The following CACNA2D3 variants were observed in gnomAD, a reference collection of about 807,000 sequenced individuals.
The protein encoded by CACNA2D3 is voltage-dependent calcium channel subunit alpha-2/delta-3.
Under a neutral mutation model 160.6 loss-of-function variants are expected in CACNA2D3, and 60 were observed. That is an observed-to-expected ratio of 0.37 (90% CI 0.30 to 0.46). The LOEUF (loss-of-function observed/expected upper bound fraction) is 0.46, where lower values mean the gene tolerates loss of function less well. Ranked by LOEUF, CACNA2D3 falls within the 20% of genes least tolerant of loss-of-function variation. The pLI is 1.00. For synonymous variants in CACNA2D3, 558 were observed against 492.9 expected, an observed-to-expected ratio of 1.13 and a Z score of -1.75; for missense variants, 1,205 against 1,365.0, an observed-to-expected ratio of 0.88 and a Z score of 1.85.
intron 13 of CACNA2D3, among the ~76,000 whole-genome samples, chr3:54,808,995 C>T (rs998408307): frequency 1.4e-4 from 21 of 152,268 alleles, no homozygotes; most frequent in African/African-American, 3.9e-4. Flanking sequence ...ACTCAATATG[C>T]ATTAGCTCGT....
At chr3:54,584,016 A>G (rs1702720276) in intron 9 of CACNA2D3, among the ~76,000 whole-genome samples, 1 of 152,158 alleles carries the variant, frequency 6.6e-6, no homozygotes, top group African/African-American at 2.4e-5. Context: ...GGAACAACCA[A>G]TCCTACATGG....
intron 35 of CACNA2D3, among the ~76,000 whole-genome samples, chr3:55,058,104 G>C (rs879666068): frequency 6.6e-6 from 1 of 152,074 alleles, no homozygotes; most frequent in Non-Finnish European, 1.5e-5. Flanking sequence ...TCTCTACCAC[G>C]GTACTCACAC....
chr3:54,150,068 G>A (rs973140400), intron 2 of CACNA2D3, among the ~76,000 whole-genome samples: 1 of 149,776 alleles, frequency 6.7e-6, no homozygotes, highest in African/African-American at 2.5e-5. Flanking sequence ...GCACACACAA[G>A]GACTAGTAAC....
chr3:54,256,740 GGAGT>G (rs1310308898), intron 2 of CACNA2D3, among the ~76,000 whole-genome samples: 1 of 125,858 alleles, frequency 7.9e-6, no homozygotes, highest in Non-Finnish European at 1.6e-5. Flanking sequence ...ACCACTGTAA[GGAGT>G]GAGACTCCGT....
At chr3:54,657,430 C>T (rs1376527161) in intron 11 of CACNA2D3, among the ~76,000 whole-genome samples, 2 of 152,096 alleles carry the variant, frequency 1.3e-5, no homozygotes, top group African/African-American at 2.4e-5. Flanking sequence ...TGCATAGTAC[C>T]ATATTGTTAA....
At chr3:54,627,527 A>G (rs928699900) in intron 9 of CACNA2D3, among the ~76,000 whole-genome samples, 36 of 152,186 alleles carry the variant, frequency 2.4e-4, no homozygotes, top group African/African-American at 8.4e-4. Context: ...GAAAGTGGCA[A>G]TTTTAGATGA....
intron 4 of CACNA2D3, among the ~76,000 whole-genome samples, chr3:54,486,568 T>C (rs955310206): frequency 3.3e-5 from 5 of 152,234 alleles, no homozygotes; most frequent in Admixed American, 3.3e-4. Context: ...AATCATTTGA[T>C]CAAACTTTAC....
At chr3:54,828,381 C>T (rs551813600) in intron 14 of CACNA2D3, among the ~76,000 whole-genome samples, 8 of 152,278 alleles carry the variant, frequency 5.3e-5, no homozygotes, top group South Asian at 2.1e-4. Context: ...ACCAACAAAG[C>T]GGTTTCCAAG....
chr3:54,567,102 A>G (rs1020725063), intron 6 of CACNA2D3, among the ~76,000 whole-genome samples: 20 of 152,314 alleles, frequency 1.3e-4, no homozygotes, highest in African/African-American at 4.3e-4. Flanking sequence ...CTGTCTTGCT[A>G]TATCCTCATA....
At chr3:54,365,339 C>T (rs1402350380) in intron 3 of CACNA2D3, among the ~76,000 whole-genome samples, 2 of 152,148 alleles carry the variant, frequency 1.3e-5, no homozygotes, top group Non-Finnish European at 2.9e-5. Context: ...CTATAAACCT[C>T]TCAAACTGAA....
rs1463403321 is a variant in CACNA2D3, at chr3:54,926,548, ACACACT to A, written c.2449+26682_2449+26687del. Among the ~76,000 whole-genome samples the A allele has an allele frequency of 4.3e-5, 5 of 114,948 alleles. 1 individual carries two copies. The Admixed American group carries it at 4.7e-4, about 11-fold the overall frequency. 75.4% of individuals were successfully genotyped at this position (114,948 alleles called of 152,430 possible). On this transcript the variant is annotated intron_variant, in intron 27 of 37. Transcript: ENST00000474759. Reference sequence around the variant, plus strand: ...CACACACACACACACACACACACACACACACTCTGTTTTACATAACACTTTTTAAAA... The same window carrying A: ...CACACACACACACACACACACACACACTGTTTTACATAACACTTTTTAAAA...
At chr3:55,065,255 A>T (rs752937476) in intron 35 of CACNA2D3, among the ~76,000 whole-genome samples, 31 of 152,154 alleles carry the variant, frequency 2.0e-4, no homozygotes, top group African/African-American at 6.8e-4. Context: ...ATTTTCTGGG[A>T]TGTGAACTGG....
intron 5 of CACNA2D3, among the ~76,000 whole-genome samples, chr3:54,533,332 C>CTTTTTTTTTTTTTTTTTTTT (rs60076440): frequency 1.0e-5 from 1 of 97,306 alleles, no homozygotes; most frequent in Non-Finnish European, 2.0e-5. Flanking sequence ...CTTTTCTTTC[C>CTTTTTTTTTTTTTTTTTTTT]TTTTTTTTTT....
chr3:54,478,491 G>C (rs1700868722), intron 4 of CACNA2D3, among the ~76,000 whole-genome samples: 1 of 151,354 alleles, frequency 6.6e-6, no homozygotes, highest in Non-Finnish European at 1.5e-5. Context: ...AATTAGCCAG[G>C]TGTGGTGGCA....
intron 2 of CACNA2D3, among the ~76,000 whole-genome samples, chr3:54,232,154 A>T (rs1458562455): frequency 6.6e-6 from 1 of 152,214 alleles, no homozygotes; most frequent in Non-Finnish European, 1.5e-5. Flanking sequence ...GTCTAACATG[A>T]GGAGTTCAGC....
intron 11 of CACNA2D3, among the ~76,000 whole-genome samples, chr3:54,687,121 C>CTTTTTCTTTTTCTTTTTCTTTTT: frequency 1.3e-4 from 12 of 94,968 alleles, no homozygotes; most frequent in African/African-American, 4.4e-4. Context: ...TTTTCTTTTT[C>CTTTTTCTTTTTCTTTTTCTTTTT]TTTTTTTTTT....
intron 10 of CACNA2D3, among the ~76,000 whole-genome samples, chr3:54,628,435 G>A (rs937467136): frequency 6.6e-6 from 1 of 152,156 alleles, no homozygotes; most frequent in Non-Finnish European, 1.5e-5. Context: ...AAATTGAGTA[G>A]CGTCATAGAG....
At chr3:55,071,226 TTCTGTTTTAGGAGTG>T (rs1240325665) in intron 35 of CACNA2D3, among the ~76,000 whole-genome samples, 1 of 152,142 alleles carries the variant, frequency 6.6e-6, no homozygotes, top group Admixed American at 6.5e-5. Flanking sequence ...TCCTGTGTCA[TTCTGTTTTAGGAGTG>T]TTTGTGGCAA....
At chr3:54,757,066 A>G (rs980895684) in intron 12 of CACNA2D3, among the ~76,000 whole-genome samples, 1 of 152,180 alleles carries the variant, frequency 6.6e-6, no homozygotes, top group African/African-American at 2.4e-5. Context: ...CGAACTGGAA[A>G]ACAGAAAAGA....
Sources: gnomAD v4.1 joint callset for allele counts (sites outside exome capture counted in the v4.1 genomes callset) on GRCh38, gnomAD v4.1.1 for gene constraint, MANE v1.5 for transcripts, NCBI Gene and HGNC (gene_info 2026-07-23, HGNC 2026-07-21) for gene names.